The following SASH1 variants were observed in gnomAD, a reference collection of about 807,000 sequenced individuals.
The protein encoded by SASH1 is SAM and SH3 domain-containing protein 1.
SASH1 carries 44 observed loss-of-function variants against 125.2 expected under a neutral mutation model. That is an observed-to-expected ratio of 0.35 (90% CI 0.28 to 0.45). The LOEUF (loss-of-function observed/expected upper bound fraction) is 0.45, where lower values mean the gene tolerates loss of function less well. SASH1 is among the 20% of genes least tolerant of loss of function. SASH1 has a pLI of 1.00. For synonymous variants in SASH1, 639 were observed against 649.1 expected (o/e 0.98, Z 0.24); for missense variants, 1,426 against 1,614.5 (o/e 0.88, Z 2.00).
At chr6:148,484,442 G>T (rs1348339002) in intron 7 of SASH1, among the ~76,000 whole-genome samples, 1 of 152,080 alleles carries the variant, frequency 6.6e-6, no homozygotes, top group Non-Finnish European at 1.5e-5. Context: ...ATTACAAATG[G>T]TCATGCCTTC....
intron 2 of SASH1, among the ~76,000 whole-genome samples, chr6:148,426,197 A>T (rs1449280944): frequency 6.6e-6 from 1 of 152,072 alleles, no homozygotes; most frequent in Non-Finnish European, 1.5e-5. Context: ...GGGCAACAAC[A>T]GTGAAACTCC....
At chr6:148,272,381 T>C (rs1469770020) in intron 1 of SASH1, 1 of 470,428 alleles carries the variant, frequency 2.1e-6, no homozygotes, top group Non-Finnish European at 4.4e-6. Flanking sequence ...TTGCAGGGTA[T>C]GTAGGCTGTC....
intron 2 of SASH1, among the ~76,000 whole-genome samples, chr6:148,400,756 A>G (rs1784138013): frequency 6.6e-6 from 1 of 152,212 alleles, no homozygotes; most frequent in East Asian, 1.9e-4. Context: ...GTCTGGGGGA[A>G]AAAGAAAGAG....
intron 1 of SASH1, among the ~76,000 whole-genome samples, chr6:148,383,065 AACG>A (rs982869481): frequency 7.2e-5 from 11 of 152,366 alleles, no homozygotes; most frequent in African/African-American, 2.6e-4. Context: ...ATGTCTGCAG[AACG>A]ACGACGACGT....
chr6:148,234,627 A>T, the SASH1 span, among the ~76,000 whole-genome samples: 1 of 152,028 alleles, frequency 6.6e-6, no homozygotes, highest in Non-Finnish European at 1.5e-5. Context: ...GGAGTTCGAG[A>T]CCAGTCTGGC....
chr6:148,249,839 G>A, the SASH1 span, among the ~76,000 whole-genome samples: 2 of 152,316 alleles, frequency 1.3e-5, no homozygotes, highest in East Asian at 3.9e-4. Flanking sequence ...TAGGGCCTGT[G>A]CACCGCGGAT....
Position 148,519,059 on chromosome 6 carries a change from T to C in SASH1, c.863-488T>C, listed in dbSNP as rs994839374. Among the ~76,000 whole-genome samples, 1 of 152,232 alleles carries C rather than the reference T, an allele frequency of 6.6e-6. No individual in the cohort carries two copies. The highest frequency in any genetic ancestry group is 1.5e-5 in the Non-Finnish European group (1 of 68,038). ...CCCCACCAAAACTTCCTTGGAGATT[T>C]AGTCACTCAAATGGCATATGTACCA... On this transcript the variant is annotated intron_variant, in intron 9 of 19. Transcript: ENST00000367467. The surrounding 1 kb of genome is among the most constrained non-coding windows in gnomAD (Gnocchi z 4.8).
the SASH1 span, among the ~76,000 whole-genome samples, chr6:148,220,398 G>A: frequency 6.6e-6 from 1 of 152,178 alleles, no homozygotes; most frequent in East Asian, 1.9e-4. Flanking sequence ...CCATTCATAA[G>A]GGTGGACTTA....
chr6:148,373,543 G>GCAGAGGGACATGAGCAGAGGGACA (rs1305096729), intron 1 of SASH1, among the ~76,000 whole-genome samples: 2 of 152,206 alleles, frequency 1.3e-5, no homozygotes, highest in African/African-American at 4.8e-5. Flanking sequence ...AGGAGCCCGA[G>GCAGAGGGACATGAGCAGAGGGACA]TAAGGTTTCT....
At chr6:148,355,777 A>G (rs1458350703) in intron 1 of SASH1, among the ~76,000 whole-genome samples, 1 of 152,244 alleles carries the variant, frequency 6.6e-6, no homozygotes, top group Non-Finnish European at 1.5e-5. Context: ...TCTAGAGATT[A>G]GAATGATCAT....
At chr6:148,458,820 A>G (rs1037849805) in intron 4 of SASH1, among the ~76,000 whole-genome samples, 2 of 152,138 alleles carry the variant, frequency 1.3e-5, no homozygotes, top group African/African-American at 4.8e-5. Context: ...TCAAAAGATT[A>G]GTCGGGCATG....
At position 148,366,843 on chromosome 6, in the gene SASH1, C is replaced by T. The variant is rs181365842; in HGVS notation, c.157-23291C>T. Among the ~76,000 whole-genome samples the T allele has an allele frequency of 8.5e-4, 130 of 152,206 alleles. 1 individual carries two copies. Among genetic ancestry groups the T allele is most frequent in the African/African-American group, 2.7e-3 (112 of 41,526 alleles). ...AAACTCCTGACCTCCTGATCCTGCCCGTCTGCCTCCCAAAGTGCTGGGATT... is the reference window on the plus strand; with the variant it reads ...AAACTCCTGACCTCCTGATCCTGCCTGTCTGCCTCCCAAAGTGCTGGGATT... On this transcript the variant is annotated intron_variant, in intron 1 of 19. Coordinates refer to ENST00000367467, the MANE Select transcript of SASH1 (RefSeq NM_015278.5).
intron 2 of SASH1, among the ~76,000 whole-genome samples, chr6:148,393,041 A>ATTTTTTTTTTTT (rs11368073): frequency 1.3e-5 from 1 of 78,126 alleles, no homozygotes; most frequent in Non-Finnish European, 2.4e-5. Flanking sequence ...GAATGTTTCA[A>ATTTTTTTTTTTT]TTTTTTTTTT....
At chr6:148,535,861 C>CA (rs1171346084) in intron 16 of SASH1, among the ~76,000 whole-genome samples, 5 of 152,184 alleles carry the variant, frequency 3.3e-5, no homozygotes, top group Non-Finnish European at 7.3e-5. Flanking sequence ...CTAAAAGACA[C>CA]ACCAAAACCA....
At chr6:148,326,610 C>T (rs1052211242) in intron 1 of SASH1, among the ~76,000 whole-genome samples, 6 of 149,118 alleles carry the variant, frequency 4.0e-5, no homozygotes, top group African/African-American at 1.5e-4. Context: ...CCATGTTGGC[C>T]AGGCTGGTCT....
At chr6:148,420,861 A>G (rs546341567) in intron 2 of SASH1, among the ~76,000 whole-genome samples, 1 of 152,092 alleles carries the variant, frequency 6.6e-6, no homozygotes, top group African/African-American at 2.4e-5. Context: ...CGGGTGGATC[A>G]TTTGAGGTCA....
chr6:148,538,026 G>A (rs1028326891), intron 16 of SASH1, among the ~76,000 whole-genome samples: 7 of 152,096 alleles, frequency 4.6e-5, no homozygotes, highest in African/African-American at 1.7e-4. Context: ...ACAAGTGTGG[G>A]AAAAGGTCAT....
chr6:148,248,800 T>C, the SASH1 span, among the ~76,000 whole-genome samples: 1 of 152,216 alleles, frequency 6.6e-6, no homozygotes, highest in African/African-American at 2.4e-5. Flanking sequence ...AAGGACACTG[T>C]GAGAAAATCT....
At chr6:148,403,496 C>T (rs574086640) in intron 2 of SASH1, among the ~76,000 whole-genome samples, 5 of 152,206 alleles carry the variant, frequency 3.3e-5, no homozygotes, top group African/African-American at 7.2e-5. Flanking sequence ...TCTCTTAATA[C>T]CCAGGTCTCA....
Sources: gnomAD v4.1 joint callset for allele counts (sites outside exome capture counted in the v4.1 genomes callset) on GRCh38, gnomAD v4.1.1 for gene constraint, Gnocchi (gnomAD v3.1) non-coding constraint, MANE v1.5 for transcripts, NCBI Gene and HGNC (gene_info 2026-07-23, HGNC 2026-07-21) for gene names.